Variants in ABCA5 observed in about 807,000 individuals in gnomAD.
ABCA5 encodes the protein cholesterol transporter ABCA5.
A neutral mutation model predicts 206.0 loss-of-function variants in ABCA5; 163 were observed. The ratio of observed to expected loss-of-function variants is 0.79; its 90% confidence interval spans 0.70 to 0.90. ABCA5 has a LOEUF of 0.90. Ranked by LOEUF, ABCA5 falls within the 40% of genes least tolerant of loss-of-function variation. ABCA5 has a pLI of 0.00. For synonymous variants in ABCA5, 609 were observed against 613.8 expected, an observed-to-expected ratio of 0.99 and a Z score of 0.11; for missense variants, 1,859 against 1,912.9, an observed-to-expected ratio of 0.97 and a Z score of 0.53.
At chr17:69,286,406 C>T in intron 15 of ABCA5, 95 bp from the exon 16 acceptor site, 1 of 1,036,380 alleles carries the variant, frequency 9.6e-7, no homozygotes, top group Non-Finnish European at 1.4e-6. Context: ...GAGTCATCCA[C>T]ATTATGATAT....
chr17:69,250,096 T>A, intron 36 of ABCA5, 112 bp from the exon 37 acceptor site: 2 of 691,238 alleles, frequency 2.9e-6, no homozygotes, highest in Non-Finnish European at 4.4e-6. Flanking sequence ...CTTATTTTGG[T>A]ATTTAGTTGG....
chr17:69,309,781 A>G (rs1358273813), intron 3 of ABCA5, among the ~76,000 whole-genome samples: 2 of 152,116 alleles, frequency 1.3e-5, no homozygotes. Context: ...TCGAGGCTGC[A>G]GTGAGCCATA....
At chr17:69,261,066 C>T in intron 26 of ABCA5, 59 bp downstream of exon 26, 1 of 1,414,658 alleles carries the variant, frequency 7.1e-7, no homozygotes, top group East Asian at 2.5e-5. Flanking sequence ...CTAACATCCC[C>T]AAATTAGACC....
intron 10 of ABCA5, among the ~76,000 whole-genome samples, chr17:69,296,676 T>C (rs1432211403): frequency 6.6e-6 from 1 of 152,192 alleles, no homozygotes; most frequent in Non-Finnish European, 1.5e-5. Flanking sequence ...AAACATAAAA[T>C]TTCAGGGGAC....
chr17:69,256,323 A>G, intron 28 of ABCA5, 40 bp from the exon 29 acceptor site: 2 of 1,309,850 alleles, frequency 1.5e-6, no homozygotes, highest in African/African-American at 1.5e-5. Context: ...GTAGGTTTTC[A>G]AATAATTAAA....
rs1419322534 is a variant in ABCA5 at position 69,251,817 on chromosome 17, T to C, written c.4465A>G (p.Thr1489Ala). ...TCTGCCTCCTCCATATAGTGAGTGG[T>C]CAGAATAGCAGCCCGCTTTCTGTTT... is the stretch of plus-strand genomic sequence containing the variant. ...FKNRKRAAIL[T>A]THYMEEAEAV... The change falls in exon 35 of 39, where the codon ACC becomes GCC. Residue 1489 changes from threonine to alanine, a missense_variant. Coordinates refer to ENST00000392676, the MANE Select transcript of ABCA5 (RefSeq NM_172232.4). 4.3e-6 allele frequency: 7 copies of C among 1,613,888 alleles called. No homozygotes were observed. Among genetic ancestry groups the C allele is most frequent in the Non-Finnish European group, 5.9e-6 (7 of 1,179,988 alleles).
chr17:69,296,489 C>G (rs1196126949), intron 10 of ABCA5, among the ~76,000 whole-genome samples: 1 of 152,054 alleles, frequency 6.6e-6, no homozygotes, highest in Non-Finnish European at 1.5e-5. Context: ...AATTATGCCT[C>G]AAACCCTAAA....
intron 9 of ABCA5, among the ~76,000 whole-genome samples, chr17:69,299,191 A>C (rs2075623544): frequency 6.6e-6 from 1 of 152,142 alleles, no homozygotes; most frequent in African/African-American, 2.4e-5. Flanking sequence ...TGTGGTGAAA[A>C]GGGAACACTT....
intron 9 of ABCA5, 65 bp from the exon 10 acceptor site, chr17:69,297,424 T>C: frequency 6.9e-7 from 1 of 1,453,812 alleles, no homozygotes; most frequent in Non-Finnish European, 9.3e-7. Flanking sequence ...AGACAGCATT[T>C]CAAACATATG....
intron 15 of ABCA5, 60 bp from the exon 16 acceptor site, chr17:69,286,371 T>A (rs2075453212): frequency 2.8e-6 from 4 of 1,437,768 alleles, no homozygotes; most frequent in Non-Finnish European, 2.9e-6. Context: ...TAATTGGCAT[T>A]TACATTTTAT....
At chr17:69,252,797 A>C (rs2075031230) in intron 34 of ABCA5, among the ~76,000 whole-genome samples, 2 of 147,328 alleles carry the variant, frequency 1.4e-5, no homozygotes, top group South Asian at 4.3e-4. Flanking sequence ...AGACGGCACC[A>C]CTGCACTCCA....
intron 1 of ABCA5, chr17:69,319,091 T>A: frequency 3.7e-6 from 1 of 270,416 alleles, no homozygotes; most frequent in Non-Finnish European, 7.0e-6. Context: ...TAATGGTCAA[T>A]AAATAAATTC....
At chr17:69,309,983 A>G (rs918061456) in intron 3 of ABCA5, among the ~76,000 whole-genome samples, 3 of 152,236 alleles carry the variant, frequency 2.0e-5, no homozygotes, top group Non-Finnish European at 2.9e-5. Flanking sequence ...TATATGAAAT[A>G]TAGTATAAAA....
At position 69,289,941 on chromosome 17, in the gene ABCA5, A is replaced by C; in HGVS notation, c.1703T>G (p.Phe568Cys). 1 of 1,612,278 alleles carries C rather than the reference A, an allele frequency of 6.2e-7. No homozygotes were observed. Residue 568 changes from phenylalanine (F) to cysteine (C), a missense_variant, in exon 13 of 39, where the codon TTT (phenylalanine) becomes TGT (cysteine). Physicochemically the swap from Phe to Cys is radical, Grantham distance 205. Coordinates refer to ENST00000392676, the MANE Select transcript of ABCA5 (RefSeq NM_172232.4). ...ATTTTCTTCTACTGTCAAAACATCA[A>C]AGTGTATATCTAACTGTGGACAAAT... ...IGICPQLDIH[F>C]DVLTVEENLS... is the part of the protein sequence containing the mutation.
chr17:69,311,451 A>G (rs1045068498), intron 3 of ABCA5, among the ~76,000 whole-genome samples: 1 of 151,984 alleles, frequency 6.6e-6, no homozygotes, highest in African/African-American at 2.4e-5. Flanking sequence ...TCTAATACAC[A>G]CTGACTTAGT....
At chr17:69,319,475 A>G (rs1472149649) in intron 1 of ABCA5, among the ~76,000 whole-genome samples, 1 of 152,142 alleles carries the variant, frequency 6.6e-6, no homozygotes, top group Non-Finnish European at 1.5e-5. Flanking sequence ...AGCTTTTTAA[A>G]GCAAAACTAA....
In ABCA5 at chr17:69,252,714, G is replaced by A. The variant is rs573694002; in HGVS notation, c.4416-848C>T. ...TAGCCGGGCTTGGTGGCTCTTGCCT[G>A]TAGTCCCAGGTACTTGGAAGGCTGA... On this transcript the variant is annotated intron_variant, in intron 34 of 38. Transcript: ENST00000392676. Among the ~76,000 whole-genome samples the A allele has an allele frequency of 2.0e-5, 3 of 151,916 alleles. No individual in the cohort carries two copies. The East Asian group carries it at 5.8e-4, about 30-fold the overall frequency.
At position 69,277,832 on chromosome 17, in the gene ABCA5, T is replaced by C; in HGVS notation, c.2403A>G (p.Val801=). 1.9e-6 allele frequency: 3 copies of C among 1,550,954 alleles called. No individual in the cohort carries two copies. The highest frequency in any genetic ancestry group is 1.7e-4 in the Middle Eastern group (1 of 5,786). The change falls in exon 19 of 39, where the codon GTA becomes GTG. Residue 801 remains valine (V), a synonymous_variant. Transcript: ENST00000392676. ...CTTCCTCCAGTGGCTGCTGAGTAAA[T>C]ACACTATAATCTATTTGCCAAAACA... ...EAEIDQADYS[V]FTQQPLEEEM...
At position 69,255,828 on chromosome 17, in the gene ABCA5, T is replaced by C. The variant is rs541631760; in HGVS notation, c.3881A>G (p.Asn1294Ser). The change falls in exon 30 of 39, where the codon AAT becomes AGT. Residue 1294 changes from asparagine to serine, a missense_variant. Asn to Ser is a conservative substitution (Grantham distance 46). Coordinates refer to ENST00000392676, the MANE Select transcript of ABCA5 (RefSeq NM_172232.4). ...CEEKPSIMVS[N>S]LHKEYDDKKD... ...CTTGTCATCATATTCTTTATGCAAA[T>C]TGCTGACCATAATGGATGGTTTCTA... 16 of 1,573,878 alleles carry C rather than the reference T, an allele frequency of 1.0e-5. No individual in the cohort carries two copies. The highest frequency in any genetic ancestry group is 1.7e-4 in the Middle Eastern group (1 of 5,924).
Sources: allele counts gnomAD v4.1 joint callset (sites outside exome capture counted in the v4.1 genomes callset), GRCh38; gene constraint gnomAD v4.1.1; transcripts MANE v1.5; gene names NCBI Gene and HGNC (gene_info 2026-07-23, HGNC 2026-07-21).